MRPL19: variants seen among roughly 807,000 people sequenced by gnomAD.
The protein encoded by MRPL19 is large ribosomal subunit protein bL19m.
Under a neutral mutation model 34.0 loss-of-function variants are expected in MRPL19, and 31 were observed. The ratio of observed to expected loss-of-function variants is 0.91; its 90% CI spans 0.68 to 1.23. MRPL19 has a LOEUF of 1.23. Among genes scored for constraint, MRPL19 ranks in the 50% most tolerant of loss-of-function variants. The pLI is 0.00. For missense variants in MRPL19, 384 were observed against 367.6 expected (o/e 1.04, Z -0.37); for synonymous variants, 152 against 127.7 (o/e 1.19, Z -1.28).
intron 2 of MRPL19, chr2:75,651,301 G>A: frequency 3.9e-6 from 2 of 518,378 alleles, no homozygotes; most frequent in Non-Finnish European, 7.8e-6. Context: ...TGTGTCTCTG[G>A]ATTTGTAGGT....
chr2:75,652,459 T>C (rs1208147751), intron 3 of MRPL19, 64 bp from the exon 4 acceptor site: 1 of 1,558,268 alleles, frequency 6.4e-7, no homozygotes, highest in Non-Finnish European at 8.7e-7. Flanking sequence ...CTGCATCTTA[T>C]ATAAAGTTTA....
At position 75,652,528 on chromosome 2, in the gene MRPL19, ATTC is replaced by A. The variant is rs769665697; in HGVS notation, c.350_352del (p.Leu117del). 6.2e-7 allele frequency: 1 copy of A among 1,610,578 alleles called. No individual in the cohort carries two copies. Among genetic ancestry groups the A allele is most frequent in the South Asian group, 1.1e-5 (1 of 89,818 alleles). On this transcript the variant is annotated inframe_deletion, in exon 4 of 6. Transcript: ENST00000393909. ...CTTCTCTTTTGAATTTGTAGGAAGTATTCTTCGTGTTACTACAGCTGACCCATA... is the reference window on the plus strand; with the variant it reads ...CTTCTCTTTTGAATTTGTAGGAAGTATTCGTGTTACTACAGCTGACCCATA...
chr2:75,651,232 C>T (rs1285681030), intron 2 of MRPL19: 2 of 441,172 alleles, frequency 4.5e-6, no homozygotes, highest in Non-Finnish European at 8.9e-6. Context: ...CAAATCCCTC[C>T]CACCCGCACC....
rs995228878 is a variant in MRPL19, at chr2:75,658,566, T to A, written c.*3281T>A. On this transcript the variant is annotated 3_prime_UTR_variant, in exon 6 of 6. Coordinates refer to ENST00000393909, the MANE Select transcript of MRPL19 (RefSeq NM_014763.4). The stretch of plus-strand genomic sequence containing the variant: ...GTCATGTTTTATTTCTCTTGTGATT[T>A]CTTCTTCGATCCCCTGGTTGAGTGT... Among the ~76,000 whole-genome samples the A allele has an allele frequency of 1.3e-5, 2 of 152,204 alleles. No individual in the cohort carries two copies. Among genetic ancestry groups the A allele is most frequent in the African/African-American group, 4.8e-5 (2 of 41,462 alleles).
At position 75,661,355 on chromosome 2, in the gene MRPL19, T is replaced by G. The variant is rs1312757634; in HGVS notation, c.*6070T>G. The G allele has an allele frequency of 6.6e-6, 1 of 152,026 alleles. No individual in the cohort carries two copies. Among genetic ancestry groups the G allele is most frequent in the Non-Finnish European group, 1.5e-5 (1 of 68,032 alleles). 9.4% of individuals were successfully genotyped at this position (152,026 alleles called of 1,614,324 possible). ...TATATATATTTTTTAGGGATTGGGGTCTCACTATACTGACCAGGCTGGTCT... is the reference window on the plus strand; with the variant it reads ...TATATATATTTTTTAGGGATTGGGGGCTCACTATACTGACCAGGCTGGTCT... On this transcript the variant is annotated 3_prime_UTR_variant, in exon 6 of 6. Transcript: ENST00000393909.
At chr2:75,649,526 TTA>T (rs1270427492) in intron 2 of MRPL19, among the ~76,000 whole-genome samples, 4 of 152,194 alleles carry the variant, frequency 2.6e-5, no homozygotes, top group Non-Finnish European at 5.9e-5. Flanking sequence ...TTGTATTAGA[TTA>T]TGTTATCAAA....
At position 75,655,320 on chromosome 2, in the gene MRPL19, C is replaced by A; in HGVS notation, c.*35C>A. On this transcript the variant is annotated 3_prime_UTR_variant, in exon 6 of 6. Transcript: ENST00000393909. ...TGAATTTGGTTAGTTGCAGAAGATA[C>A]ATTGGCTCTAAGAGGATATATTTTG... is the stretch of plus-strand genomic sequence containing the variant. The A allele has an allele frequency of 6.7e-7, 1 of 1,490,462 alleles. No individual in the cohort carries two copies. The highest frequency in any genetic ancestry group is 1.2e-5 in the South Asian group (1 of 86,690). The allele number at this position is 1,490,462 out of a possible 1,614,324, so 92.3% of individuals were successfully genotyped here.
At position 75,657,198 on chromosome 2, in the gene MRPL19, T is replaced by C. The variant is rs1208287731; in HGVS notation, c.*1913T>C. ...CAGGATATCTGATAATCTTTGGCTG[T>C]CTTCTTATGGTTGAAAGAGGGACTA... On this transcript the variant is annotated 3_prime_UTR_variant, in exon 6 of 6. Coordinates refer to ENST00000393909, the MANE Select transcript of MRPL19 (RefSeq NM_014763.4). 1 of 152,116 alleles carries C rather than the reference T, an allele frequency of 6.6e-6. No individual in the cohort carries two copies. The highest frequency in any genetic ancestry group is 1.5e-5 in the Non-Finnish European group (1 of 67,994). The allele number at this position is 152,116 out of a possible 1,614,324, so 9.4% of individuals were successfully genotyped here.
Position 75,652,437 on chromosome 2 carries a change from ATTTG to A in MRPL19, c.341-78_341-75del, listed in dbSNP as rs1187372532. 4.0e-5 allele frequency: 59 copies of A among 1,483,600 alleles called. No homozygotes were observed. In the African/African-American group the frequency reaches 6.4e-4, roughly 16 times the overall value. The allele number at this position is 1,483,600 out of a possible 1,614,324, so 91.9% of individuals were successfully genotyped here. Reference sequence around the variant, plus strand: ...GGAAGTTAAGTTATCTAGAAATGCTATTTGTTTGTTTCTGCATCTTATATAAAGT... The same window carrying A: ...GGAAGTTAAGTTATCTAGAAATGCTATTTGTTTCTGCATCTTATATAAAGT... On this transcript the variant is annotated intron_variant, in intron 3 of 5. Coordinates refer to ENST00000393909, the MANE Select transcript of MRPL19 (RefSeq NM_014763.4).
chr2:75,647,395 C>T, intron 2 of MRPL19, 176 bp downstream of exon 2: 2 of 605,014 alleles, frequency 3.3e-6, no homozygotes, highest in Non-Finnish European at 5.6e-6. Flanking sequence ...CTCCCCAAGC[C>T]AGCATTGAAC....
Position 75,660,234 on chromosome 2 carries a change from C to G in MRPL19, c.*4949C>G, listed in dbSNP as rs1678575928. 6.6e-6 allele frequency among the ~76,000 whole-genome samples: 1 copy of G among 152,102 alleles called. No homozygotes were observed. Among genetic ancestry groups the G allele is most frequent in the Non-Finnish European group, 1.5e-5 (1 of 68,008 alleles). ...ACGTCTGTGTCTTTATTGATATTCT[C>G]ATTTTGTTCATATGTCTCTTTCTTC... On this transcript the variant is annotated 3_prime_UTR_variant, in exon 6 of 6. Transcript: ENST00000393909.
At position 75,652,623 on chromosome 2, in the gene MRPL19, T is replaced by A; in HGVS notation, c.441T>A (p.Ala147=). 6.2e-7 allele frequency: 1 copy of A among 1,613,658 alleles called. No individual in the cohort carries two copies. The highest frequency in any genetic ancestry group is 8.5e-7 in the Non-Finnish European group (1 of 1,179,722). ...CIQRSGRGLG[A]TFILRNVIEG... ...AGAGATCAGGAAGAGGACTTGGAGC[T>A]ACTTTCATCCTTAGGAATGTTATCG... Residue 147 remains alanine (A), a synonymous_variant, in exon 4 of 6, where the codon GCT becomes GCA. Coordinates refer to ENST00000393909, the MANE Select transcript of MRPL19 (RefSeq NM_014763.4).
rs1447117927 is a variant in MRPL19 at position 75,647,178 on chromosome 2, G to C, written c.180G>C (p.Pro60=). 5 of 1,580,374 alleles carry C rather than the reference G, an allele frequency of 3.2e-6. No individual in the cohort carries two copies. The highest frequency in any genetic ancestry group is 2.3e-5 in the South Asian group (2 of 86,256). The change falls in exon 2 of 6, where the codon CCG becomes CCC. Residue 60 remains proline (P), a synonymous_variant. Coordinates refer to ENST00000393909, the MANE Select transcript of MRPL19 (RefSeq NM_014763.4). ...GTGCGTTCCAACCGCCGCCGAAACC[G>C]GTCATCGTGGACAAGCACCGCCCCG... ...EPGAFQPPPK[P]VIVDKHRPVE... is the part of the protein sequence containing the mutation.
At chr2:75,648,823 C>T (rs982728128) in intron 2 of MRPL19, among the ~76,000 whole-genome samples, 2 of 152,090 alleles carry the variant, frequency 1.3e-5, no homozygotes, top group African/African-American at 2.4e-5. Flanking sequence ...GAGCCGAGAT[C>T]GTGCCACTGC....
rs750021583 is a variant in MRPL19 at position 75,655,262 on chromosome 2, A to G, written c.856A>G (p.Ile286Val). The stretch of plus-strand genomic sequence containing the variant: ...AATTGAAGCTGCAATATGGAAGGAA[A>G]TTGAAGCGTCGAAAAGGTCTTGATT... ...SKIEAAIWKE[I>V]EASKRS The change falls in exon 6 of 6, where the codon ATT (isoleucine) becomes GTT (valine). Residue 286 changes from isoleucine (I) to valine (V), a missense_variant. By Grantham distance (29) the Ile-to-Val change is conservative (BLOSUM62 3). Coordinates refer to ENST00000393909, the MANE Select transcript of MRPL19 (RefSeq NM_014763.4). 2 of 1,613,258 alleles carry G rather than the reference A, an allele frequency of 1.2e-6. No individual in the cohort carries two copies. The highest frequency in any genetic ancestry group is 1.7e-6 in the Non-Finnish European group (2 of 1,179,598).
At chr2:75,653,678 T>C (rs1451481477) in intron 4 of MRPL19, among the ~76,000 whole-genome samples, 1 of 152,206 alleles carries the variant, frequency 6.6e-6, no homozygotes, top group African/African-American at 2.4e-5. Flanking sequence ...AACTTCCAAA[T>C]TTATAACTCC....
chr2:75,648,365 T>C (rs950462095), intron 2 of MRPL19, among the ~76,000 whole-genome samples: 1 of 152,172 alleles, frequency 6.6e-6, no homozygotes, highest in African/African-American at 2.4e-5. Flanking sequence ...TGTAACAGTA[T>C]TTTTTGTAAC....
In MRPL19 at chr2:75,654,817, G is replaced by C; in HGVS notation, c.557G>C (p.Ser186Thr). The change falls in exon 5 of 6, where the codon AGC becomes ACC. Residue 186 changes from serine to threonine, a missense_variant. Ser to Thr is a moderately conservative substitution (Grantham distance 58). Transcript: ENST00000393909. The stretch of plus-strand genomic sequence containing the variant: ...AAATTAGAGAAACGGCTGGATGATA[G>C]CTTGCTATACTTACGAGATGCCCTT... ...VVKLEKRLDD[S>T]LLYLRDALPE... 2 of 1,613,864 alleles carry C rather than the reference G, an allele frequency of 1.2e-6. No homozygotes were observed. Among genetic ancestry groups the C allele is most frequent in the Non-Finnish European group, 8.5e-7 (1 of 1,179,850 alleles).
rs371985914 is a variant in MRPL19 at position 75,655,271 on chromosome 2, T to G, written c.865T>G (p.Ser289Ala). Reference sequence around the variant, plus strand: ...TGCAATATGGAAGGAAATTGAAGCGTCGAAAAGGTCTTGATTCTGAGAATG... The same window carrying G: ...TGCAATATGGAAGGAAATTGAAGCGGCGAAAAGGTCTTGATTCTGAGAATG... ...EAAIWKEIEASKRS is the reference protein window; with the variant it reads ...EAAIWKEIEAAKRS The change falls in exon 6 of 6, where the codon TCG (serine) becomes GCG (alanine). Residue 289 changes from serine to alanine, a missense_variant. Physicochemically the swap from Ser to Ala is moderately conservative, Grantham distance 99. Transcript: ENST00000393909. The G allele has an allele frequency of 1.2e-6, 2 of 1,612,364 alleles. No homozygotes were observed. Among genetic ancestry groups the G allele is most frequent in the African/African-American group, 2.7e-5 (2 of 74,824 alleles).
Sources: gnomAD v4.1 joint callset for allele counts (sites outside exome capture counted in the v4.1 genomes callset) on GRCh38, gnomAD v4.1.1 for gene constraint, MANE v1.5 for transcripts, NCBI Gene and HGNC (gene_info 2026-07-23, HGNC 2026-07-21) for gene names.